The following KHDRBS2 variants were observed in gnomAD, a reference collection of about 807,000 sequenced individuals.
KHDRBS2 encodes the protein KH RNA binding domain containing, signal transduction associated 2.
Under a neutral mutation model 44.3 loss-of-function variants are expected in KHDRBS2, and 26 were observed. The ratio of observed to expected loss-of-function variants is 0.59; its 90% confidence interval spans 0.43 to 0.81. KHDRBS2 has a LOEUF of 0.81. KHDRBS2 is among the 40% of genes least tolerant of loss of function. The pLI is 0.00. For synonymous variants in KHDRBS2, 194 were observed against 151.1 expected (o/e 1.28, Z -2.08); for missense variants, 476 against 433.1 (o/e 1.10, Z -0.88).
At chr6:62,170,939 A>G (rs1819863572) in intron 2 of KHDRBS2, among the ~76,000 whole-genome samples, 1 of 142,388 alleles carries the variant, frequency 7.0e-6, no homozygotes, top group African/African-American at 2.6e-5. Flanking sequence ...AAGGGCATCA[A>G]AGAAGATAAA....
intron 6 of KHDRBS2, among the ~76,000 whole-genome samples, chr6:61,795,162 A>T: frequency 6.6e-6 from 1 of 151,504 alleles, no homozygotes; most frequent in South Asian, 2.1e-4. Context: ...AAAAAAAAAA[A>T]AAAAAAAAGA....
At chr6:61,613,111 C>T in the KHDRBS2 span, among the ~76,000 whole-genome samples, 1 of 152,140 alleles carries the variant, frequency 6.6e-6, no homozygotes, top group South Asian at 2.1e-4. Context: ...CTTGGCCTCC[C>T]AAAGTGCTGG....
the KHDRBS2 span, among the ~76,000 whole-genome samples, chr6:61,641,872 T>C: frequency 1.3e-5 from 2 of 152,222 alleles, no homozygotes; most frequent in Admixed American, 6.6e-5. Flanking sequence ...AAATTCTAGT[T>C]ATGAGATAAA....
At chr6:61,819,744 A>G (rs1483278329) in intron 6 of KHDRBS2, among the ~76,000 whole-genome samples, 1 of 152,046 alleles carries the variant, frequency 6.6e-6, no homozygotes, top group Admixed American at 6.6e-5. Flanking sequence ...AATGAACATG[A>G]TAATTGATGA....
At chr6:62,199,495 G>T (rs201310148) in intron 1 of KHDRBS2, among the ~76,000 whole-genome samples, 1 of 152,252 alleles carries the variant, frequency 6.6e-6, no homozygotes, top group Admixed American at 6.5e-5. Context: ...TTACTTCAAA[G>T]AGAATAAAAT....
chr6:61,776,035 T>C (rs1391064012), intron 6 of KHDRBS2, among the ~76,000 whole-genome samples: 7 of 152,136 alleles, frequency 4.6e-5, no homozygotes, highest in Non-Finnish European at 8.8e-5. Context: ...AAACAAGTAA[T>C]GGGGAAAGGA....
chr6:61,602,326 G>T, the KHDRBS2 span, among the ~76,000 whole-genome samples: 1 of 152,194 alleles, frequency 6.6e-6, no homozygotes, highest in Non-Finnish European at 1.5e-5. Flanking sequence ...GGCTTGAACC[G>T]CAGTGGCCAG....
intron 8 of KHDRBS2, among the ~76,000 whole-genome samples, chr6:61,690,601 T>C (rs1486606597): frequency 6.6e-6 from 1 of 152,080 alleles, no homozygotes; most frequent in Non-Finnish European, 1.5e-5. Context: ...ACACAATTGT[T>C]CAAAAAGGTA....
the KHDRBS2 span, among the ~76,000 whole-genome samples, chr6:61,604,748 C>A: frequency 8.5e-5 from 13 of 152,148 alleles, no homozygotes; most frequent in African/African-American, 2.4e-4. Context: ...TACTTACATG[C>A]CCTGAGTCAG....
intron 1 of KHDRBS2, among the ~76,000 whole-genome samples, chr6:62,205,796 GATC>G (rs1396787805): frequency 6.6e-6 from 1 of 152,068 alleles, no homozygotes; most frequent in Non-Finnish European, 1.5e-5. Flanking sequence ...TTGTGTGTAG[GATC>G]ATATCAAACT....
the KHDRBS2 span, among the ~76,000 whole-genome samples, chr6:61,559,691 G>A: frequency 6.6e-6 from 1 of 152,074 alleles, no homozygotes; most frequent in Admixed American, 6.5e-5. Context: ...CAAGCAAATA[G>A]ACAACTTATA....
intron 5 of KHDRBS2, among the ~76,000 whole-genome samples, chr6:61,900,450 G>A (rs1803768913): frequency 6.6e-6 from 1 of 152,098 alleles, no homozygotes; most frequent in South Asian, 2.1e-4. Flanking sequence ...AAATCACATA[G>A]TTGTTCTCTG....
At position 62,088,904 on chromosome 6, in the gene KHDRBS2, CAG is replaced by C. The variant is rs1006294126; in HGVS notation, c.220-40912_220-40911del. On this transcript the variant is annotated intron_variant, in intron 2 of 8. Coordinates refer to ENST00000281156, the MANE Select transcript of KHDRBS2 (RefSeq NM_152688.4). Reference sequence around the variant, plus strand: ...CTGACTGGTGCTGCTGCCTTTCTTTCAGAGATGTTCTGACTAGAGAGGAGGAA... The same window carrying C: ...CTGACTGGTGCTGCTGCCTTTCTTTCAGATGTTCTGACTAGAGAGGAGGAA... Among the ~76,000 whole-genome samples, 79 of 152,278 alleles carry C rather than the reference CAG, an allele frequency of 5.2e-4. 1 individual carries two copies. Among genetic ancestry groups the C allele is most frequent in the African/African-American group, 1.9e-3 (78 of 41,562 alleles).
rs188879800 is a variant in KHDRBS2 at position 61,741,309 on chromosome 6, A to T, written c.811-8545T>A. The stretch of plus-strand genomic sequence containing the variant: ...TCTAGATAGAGCTTTTCTAATCAGT[A>T]CTAGTTTATGGAGCCTAAGATATTT... On this transcript the variant is annotated intron_variant, in intron 6 of 8. Transcript: ENST00000281156. Among the ~76,000 whole-genome samples the T allele has an allele frequency of 7.9e-4, 120 of 152,096 alleles. 1 individual carries two copies. Among genetic ancestry groups the T allele is most frequent in the Non-Finnish European group, 1.5e-3 (105 of 67,942 alleles).
the KHDRBS2 span, among the ~76,000 whole-genome samples, chr6:61,647,066 G>T: frequency 0.024 from 3,724 of 152,126 alleles, 70 homozygotes; most frequent in Middle Eastern, 0.088. Flanking sequence ...TGATCCACCC[G>T]CCTCGGCCTC....
At chr6:61,870,298 C>T (rs1185257511) in intron 6 of KHDRBS2, among the ~76,000 whole-genome samples, 2 of 152,088 alleles carry the variant, frequency 1.3e-5, no homozygotes, top group East Asian at 3.9e-4. Context: ...GGGACGGAGC[C>T]CACGCAGCTC....
At chr6:62,112,507 G>A (rs1450828680) in intron 2 of KHDRBS2, among the ~76,000 whole-genome samples, 4 of 151,992 alleles carry the variant, frequency 2.6e-5, no homozygotes, top group Non-Finnish European at 4.4e-5. Context: ...ATCTCCACTA[G>A]GATTTACACA....
At chr6:61,937,801 C>T (rs1502942) in intron 4 of KHDRBS2, among the ~76,000 whole-genome samples, 58,908 of 151,788 alleles carry the variant, frequency 0.39, 11,611 homozygotes, top group East Asian at 0.47. Flanking sequence ...AAACTCTATC[C>T]TTTAAGGCTT....
At chr6:61,743,984 A>G (rs1361222303) in intron 6 of KHDRBS2, among the ~76,000 whole-genome samples, 1 of 152,018 alleles carries the variant, frequency 6.6e-6, no homozygotes, top group Non-Finnish European at 1.5e-5. Context: ...GCTGCATAGT[A>G]TTCCATGGTG....
Sources: gnomAD v4.1 joint callset for allele counts (sites outside exome capture counted in the v4.1 genomes callset) on GRCh38, gnomAD v4.1.1 for gene constraint, MANE v1.5 for transcripts, NCBI Gene and HGNC (gene_info 2026-07-23, HGNC 2026-07-21) for gene names.